The following LRCH1 variants were observed in gnomAD, a reference collection of about 807,000 sequenced individuals.
LRCH1 encodes the protein leucine rich repeats and calponin homology domain containing 1.
In LRCH1, 23 loss-of-function variants were observed where a neutral mutation model predicts 94.9. The ratio of observed to expected loss-of-function variants is 0.24; its 90% confidence interval spans 0.17 to 0.34. The LOEUF is 0.34. Ranked by LOEUF, LRCH1 falls within the 10% of genes least tolerant of loss-of-function variation. The probability of loss-of-function intolerance (pLI) is 1.00; values close to 1 mark genes in which losing one functional copy is unlikely to be tolerated. For missense variants in LRCH1, 790 were observed against 945.9 expected (o/e 0.84, Z 2.16); for synonymous variants, 364 against 354.9 (o/e 1.03, Z -0.29).
At chr13:46,692,901 T>C (rs1470448271) in intron 8 of LRCH1, among the ~76,000 whole-genome samples, 1 of 152,056 alleles carries the variant, frequency 6.6e-6, no homozygotes, top group African/African-American at 2.4e-5. Context: ...AGCTGATGTG[T>C]GTGTAGTACT....
rs1873686000 is a variant in LRCH1 at position 46,742,001 on chromosome 13, T to C, written c.*153T>C. 6.0e-6 allele frequency: 9 copies of C among 1,491,624 alleles called. No homozygotes were observed. Among genetic ancestry groups the C allele is most frequent in the Non-Finnish European group, 8.0e-6 (9 of 1,129,736 alleles). The allele number at this position is 1,491,624 out of a possible 1,614,324, so 92.4% of individuals were successfully genotyped here. A position where few individuals can be genotyped will look rare whatever the true frequency, so the allele number is the denominator to read the frequency against. ...AGCTGAACAGTAGCAAATCAGATTT[T>C]CCAGAAGCACAAACTTTGTAGAATA... On this transcript the variant is annotated 3_prime_UTR_variant, in exon 20 of 20. Transcript: ENST00000389797.
At chr13:46,654,820 A>C (rs185687658) in intron 2 of LRCH1, among the ~76,000 whole-genome samples, 26 of 152,318 alleles carry the variant, frequency 1.7e-4, no homozygotes, top group African/African-American at 5.3e-4. Flanking sequence ...AGCACTTAGA[A>C]ATTTTCCTCT....
chr13:46,637,206 A>G (rs1566191846), intron 1 of LRCH1, among the ~76,000 whole-genome samples: 2 of 152,228 alleles, frequency 1.3e-5, no homozygotes, highest in Non-Finnish European at 2.9e-5. Flanking sequence ...TTCAAAAGAT[A>G]CAACCTGAAT....
chr13:46,672,763 C>G (rs922619508), intron 3 of LRCH1, among the ~76,000 whole-genome samples: 1 of 152,158 alleles, frequency 6.6e-6, no homozygotes, highest in Non-Finnish European at 1.5e-5. Context: ...TTTTCTCCAC[C>G]AGCAATAACT....
intron 2 of LRCH1, among the ~76,000 whole-genome samples, chr13:46,653,633 T>A (rs910297200): frequency 6.6e-6 from 1 of 151,946 alleles, no homozygotes; most frequent in Non-Finnish European, 1.5e-5. Context: ...GTGACCAGCC[T>A]GGGCAACATG....
At chr13:46,636,449 T>C (rs2051090825) in intron 1 of LRCH1, among the ~76,000 whole-genome samples, 1 of 152,184 alleles carries the variant, frequency 6.6e-6, no homozygotes, top group African/African-American at 2.4e-5. Context: ...CTGCAGAATG[T>C]TTTCATCTTG....
intron 1 of LRCH1, among the ~76,000 whole-genome samples, chr13:46,615,696 A>G (rs1235859667): frequency 6.6e-6 from 1 of 152,138 alleles, no homozygotes; most frequent in Non-Finnish European, 1.5e-5. Context: ...TTTCAGCGCA[A>G]GTGTTCTCGT....
intron 2 of LRCH1, among the ~76,000 whole-genome samples, chr13:46,660,061 G>C (rs1436850086): frequency 1.6e-5 from 1 of 61,636 alleles, no homozygotes; most frequent in Non-Finnish European, 3.2e-5. Context: ...AGACAGGCTG[G>C]AGTGCAGTGG....
Position 46,625,070 on chromosome 13 carries a change from C to T in LRCH1, c.308-25131C>T, listed in dbSNP as rs1377796329. 3.9e-5 allele frequency among the ~76,000 whole-genome samples: 6 copies of T among 152,230 alleles called. No individual in the cohort carries two copies. The East Asian group carries it at 1.2e-3, about 29-fold the overall frequency. On this transcript the variant is annotated intron_variant, in intron 1 of 19. Coordinates refer to ENST00000389797, the MANE Select transcript of LRCH1 (RefSeq NM_001164211.2). ...TAGGCTGAGTGTTAACCATACCTAC[C>T]TATGTACATTTGCAGCTGTGCCATT...
intron 3 of LRCH1, among the ~76,000 whole-genome samples, chr13:46,675,841 A>G (rs73487759): frequency 0.037 from 5,614 of 152,248 alleles, 325 homozygotes; most frequent in African/African-American, 0.13. Flanking sequence ...GCAGTGGGGT[A>G]GGCCGTGTGT....
intron 17 of LRCH1, among the ~76,000 whole-genome samples, chr13:46,725,664 A>T (rs1350530089): frequency 2.0e-5 from 3 of 152,228 alleles, no homozygotes; most frequent in Non-Finnish European, 4.4e-5. Context: ...ATAGCAGATG[A>T]TACTTTTTAT....
chr13:46,683,750 G>A (rs1870460158), intron 4 of LRCH1, among the ~76,000 whole-genome samples: 1 of 152,082 alleles, frequency 6.6e-6, no homozygotes, highest in Non-Finnish European at 1.5e-5. Context: ...TACCTTAAAA[G>A]CATTCCTTTC....
rs192879261 is a variant in LRCH1 at position 46,728,548 on chromosome 13, C to T, written c.1870-299C>T. Among the ~76,000 whole-genome samples the T allele has an allele frequency of 1.7e-3, 255 of 152,306 alleles. 1 individual carries two copies. The highest frequency in any genetic ancestry group is 5.9e-3 in the African/African-American group (247 of 41,584). On this transcript the variant is annotated intron_variant, in intron 17 of 19. Transcript: ENST00000389797. ...AGCATTTCTTAATCCCTCTTCTGCC[C>T]CATGCAGACTGCCTGAACCAGTCAG...
chr13:46,638,385 C>T (rs9316219), intron 1 of LRCH1, among the ~76,000 whole-genome samples: 89,868 of 151,992 alleles, frequency 0.59, 26,564 homozygotes, highest in South Asian at 0.67. Context: ...TGGCACGGAA[C>T]CTTTGAATAG....
intron 2 of LRCH1, among the ~76,000 whole-genome samples, chr13:46,658,133 C>T (rs1216860): frequency 0.55 from 83,783 of 151,920 alleles, 23,225 homozygotes; most frequent in East Asian, 0.62. Flanking sequence ...TCAGTATTTA[C>T]ACAAGGAAGG....
At chr13:46,567,492 T>TTG (rs35848521) in intron 1 of LRCH1, among the ~76,000 whole-genome samples, 3,314 of 141,900 alleles carry the variant, frequency 0.023, 54 homozygotes, top group East Asian at 0.061. Context: ...TAAGGCAATT[T>TTG]TGTGTGTGTG....
intron 2 of LRCH1, among the ~76,000 whole-genome samples, chr13:46,662,921 C>G (rs568139042): frequency 2.0e-5 from 3 of 152,170 alleles, no homozygotes; most frequent in Non-Finnish European, 2.9e-5. Context: ...TCGCAGTTCT[C>G]TTTTCTAAAG....
rs954558799 is a variant in LRCH1, at chr13:46,594,289, A to G, written c.307+40586A>G. ...TATTTAACAACTGAAGAAAATAAAC[A>G]GAGACTGTAGTAAATTTCCAAGCTA... is the stretch of plus-strand genomic sequence containing the variant. On this transcript the variant is annotated intron_variant, in intron 1 of 19. Coordinates refer to ENST00000389797, the MANE Select transcript of LRCH1 (RefSeq NM_001164211.2). 7.9e-5 allele frequency among the ~76,000 whole-genome samples: 12 copies of G among 152,198 alleles called. No homozygotes were observed. The South Asian group carries it at 1.2e-3, about 16-fold the overall frequency.
At position 46,735,337 on chromosome 13, in the gene LRCH1, A is replaced by T. The variant is rs557237341; in HGVS notation, c.2085+1339A>T. Among the ~76,000 whole-genome samples the T allele has an allele frequency of 3.6e-3, 541 of 152,314 alleles. 4 individuals are homozygous for T. Among genetic ancestry groups the T allele is most frequent in the African/African-American group, 0.012 (486 of 41,558 alleles). On this transcript the variant is annotated intron_variant, in intron 19 of 19. Transcript: ENST00000389797. ...CTGTCATGGGCTAGTAAGATTTCCC[A>T]TGTGTGAATCAAAACTCTCATGGCA... is the stretch of plus-strand genomic sequence containing the variant.
Sources: allele counts gnomAD v4.1 joint callset (sites outside exome capture counted in the v4.1 genomes callset), GRCh38; gene constraint gnomAD v4.1.1; transcripts MANE v1.5; gene names NCBI Gene and HGNC (gene_info 2026-07-23, HGNC 2026-07-21).